GRIA2: variants seen among roughly 807,000 people sequenced by gnomAD.
GRIA2 encodes the protein glutamate ionotropic receptor AMPA type subunit 2.
A neutral mutation model predicts 97.3 loss-of-function variants in GRIA2; 14 were observed. That is an observed-to-expected ratio of 0.14 (90% CI 0.10 to 0.23). The LOEUF (loss-of-function observed/expected upper bound fraction) is 0.23, where lower values mean the gene tolerates loss of function less well. Among genes scored for constraint, GRIA2 ranks in the 10% least tolerant of loss-of-function variants. The probability of loss-of-function intolerance (pLI) is 1.00; values close to 1 mark genes in which losing one functional copy is unlikely to be tolerated. For missense variants in GRIA2, 558 were observed against 1,069.8 expected (o/e 0.52, Z 6.67); for synonymous variants, 412 against 387.8 (o/e 1.06, Z -0.73).
chr4:157,231,044 T>C (rs2126692747), intron 2 of GRIA2, among the ~76,000 whole-genome samples: 1 of 151,916 alleles, frequency 6.6e-6, no homozygotes, highest in African/African-American at 2.4e-5. Flanking sequence ...TTTATTTTTA[T>C]TTTTCATTTT....
In GRIA2 at chr4:157,268,095, A is replaced by G. The variant is rs143105616; in HGVS notation, c.230-35457A>G. ...TAAATTTATGAAATATTAACTAAAG[A>G]GGTGGGGCATAGAAAAATACAAACA... is the stretch of plus-strand genomic sequence containing the variant. On this transcript the variant is annotated intron_variant, in intron 2 of 15. Coordinates refer to ENST00000264426, the MANE Select transcript of GRIA2 (RefSeq NM_001083619.3). Among the ~76,000 whole-genome samples the G allele has an allele frequency of 3.0e-3, 456 of 152,212 alleles. 2 individuals carry two copies. Among genetic ancestry groups the G allele is most frequent in the Non-Finnish European group, 5.6e-3 (383 of 67,988 alleles).
intron 2 of GRIA2, among the ~76,000 whole-genome samples, chr4:157,286,868 T>C (rs1431083996): frequency 6.6e-6 from 1 of 151,696 alleles, no homozygotes; most frequent in Non-Finnish European, 1.5e-5. Flanking sequence ...AGCTGTTCTT[T>C]CTTTTCTATT....
chr4:157,295,259 T>G (rs2126845786), intron 2 of GRIA2, among the ~76,000 whole-genome samples: 1 of 152,252 alleles, frequency 6.6e-6, no homozygotes, highest in African/African-American at 2.4e-5. Context: ...AATGTATTAT[T>G]ACAGCCTCAT....
In GRIA2 at chr4:157,318,607, T is replaced by C. The variant is rs113078125; in HGVS notation, c.720+896T>C. Among the ~76,000 whole-genome samples the C allele has an allele frequency of 2.0e-3, 303 of 152,330 alleles. 2 individuals are homozygous for C. The highest frequency in any genetic ancestry group is 7.0e-3 in the African/African-American group (289 of 41,574). On this transcript the variant is annotated intron_variant, in intron 5 of 15. Transcript: ENST00000264426. ...CAGAGTAGTTAATTCTATTTCCCTCTTTTAAGCATCATCAGAGTCAATTTA... is the reference window on the plus strand; with the variant it reads ...CAGAGTAGTTAATTCTATTTCCCTCCTTTAAGCATCATCAGAGTCAATTTA...
intron 11 of GRIA2, among the ~76,000 whole-genome samples, chr4:157,339,859 A>C (rs1447772965): frequency 6.6e-6 from 1 of 151,902 alleles, no homozygotes; most frequent in South Asian, 2.1e-4. Context: ...GCATTTTTCA[A>C]ATGTAAAATA....
chr4:157,336,523 T>C lies in GRIA2; in HGVS notation c.1620T>C (p.Asp540=). 3 of 1,613,504 alleles carry C rather than the reference T, an allele frequency of 1.9e-6. No homozygotes were observed. The highest frequency in any genetic ancestry group is 2.5e-6 in the Non-Finnish European group (3 of 1,179,574). ...KSKPGVFSFL[D]PLAYEIWMCI... is the part of the protein sequence containing the mutation. ...AACCAGGAGTGTTTTCCTTTCTTGA[T>C]CCTTTAGCCTATGAGATCTGGATGT... is the stretch of plus-strand genomic sequence containing the variant. Residue 540 remains aspartate, a synonymous_variant, in exon 11 of 16, where the codon GAT becomes GAC. Transcript: ENST00000264426.
At chr4:157,340,920 T>G (rs954699992) in intron 11 of GRIA2, among the ~76,000 whole-genome samples, 17 of 152,152 alleles carry the variant, frequency 1.1e-4, no homozygotes, top group African/African-American at 4.1e-4. Context: ...ATTCTCTTGT[T>G]TATGTTTACT....
intron 6 of GRIA2, among the ~76,000 whole-genome samples, chr4:157,324,537 G>T (rs1182250841): frequency 6.6e-6 from 1 of 152,174 alleles, no homozygotes; most frequent in Non-Finnish European, 1.5e-5. Flanking sequence ...GCAAGGCTTT[G>T]CACATGGTTG....
intron 14 of GRIA2, chr4:157,362,542 G>A (rs1160452506): frequency 8.6e-6 from 5 of 579,592 alleles, no homozygotes; most frequent in South Asian, 6.3e-5. Flanking sequence ...CCAGGGAAAT[G>A]TTTAAGAAAT....
intron 2 of GRIA2, among the ~76,000 whole-genome samples, chr4:157,277,287 G>T (rs549697710): frequency 1.3e-5 from 2 of 151,704 alleles, no homozygotes; most frequent in Non-Finnish European, 3.0e-5. Flanking sequence ...AAGAAAGATC[G>T]CATAATCATA....
In GRIA2 at chr4:157,365,766, A is replaced by G. The variant is rs1285325831; in HGVS notation, c.*2335A>G. 6.6e-6 allele frequency: 1 copy of G among 151,908 alleles called. No individual in the cohort carries two copies. Among genetic ancestry groups the G allele is most frequent in the Non-Finnish European group, 1.5e-5 (1 of 67,558 alleles). The allele number at this position is 151,908 out of a possible 1,614,324, so 9.4% of individuals were successfully genotyped here. A position where few individuals can be genotyped will look rare whatever the true frequency, so the allele number is the denominator to read the frequency against. On this transcript the variant is annotated 3_prime_UTR_variant, in exon 16 of 16. Coordinates refer to ENST00000264426, the MANE Select transcript of GRIA2 (RefSeq NM_001083619.3). Reference sequence around the variant, plus strand: ...GTCTAAAGGTTTTTTTATTCATTTTATATAAAAACTGTTATGGAAAGACCA... The same window carrying G: ...GTCTAAAGGTTTTTTTATTCATTTTGTATAAAAACTGTTATGGAAAGACCA...
chr4:157,360,877 T>A, intron 13 of GRIA2, 133 bp from the exon 14 acceptor site: 2 of 696,986 alleles, frequency 2.9e-6, no homozygotes, highest in East Asian at 5.5e-5. Context: ...CATATTATTG[T>A]GGCCTTTTTC....
chr4:157,256,238 AT>A (rs1731258483), intron 2 of GRIA2, among the ~76,000 whole-genome samples: 1 of 82,836 alleles, frequency 1.2e-5, no homozygotes, highest in South Asian at 3.2e-4. Flanking sequence ...TATATAATAT[AT>A]ATATATAATA....
At chr4:157,346,762 C>G (rs1735782913) in intron 12 of GRIA2, among the ~76,000 whole-genome samples, 1 of 152,160 alleles carries the variant, frequency 6.6e-6, no homozygotes, top group Non-Finnish European at 1.5e-5. Flanking sequence ...TTTCCTTCCT[C>G]AGTTTTTTGG....
intron 2 of GRIA2, among the ~76,000 whole-genome samples, chr4:157,255,843 A>G (rs1489883509): frequency 3.9e-5 from 6 of 151,928 alleles, no homozygotes; most frequent in Non-Finnish European, 8.8e-5. Flanking sequence ...AAAGTGGACA[A>G]AGGATATGAA....
chr4:157,322,131 G>C (rs776062526), intron 6 of GRIA2, among the ~76,000 whole-genome samples: 6 of 151,902 alleles, frequency 3.9e-5, no homozygotes, highest in Non-Finnish European at 8.8e-5. Context: ...GTGTCAGTTT[G>C]TTCCTAATCT....
At chr4:157,313,060 G>A (rs1350406474) in intron 4 of GRIA2, among the ~76,000 whole-genome samples, 185 bp downstream of exon 4, 1 of 152,156 alleles carries the variant, frequency 6.6e-6, no homozygotes, top group African/African-American at 2.4e-5. Flanking sequence ...ATGGTCATCA[G>A]TAATGCTGGC....
chr4:157,221,427 T>G, intron 1 of GRIA2: 1 of 579,824 alleles, frequency 1.7e-6, no homozygotes, highest in Non-Finnish European at 3.0e-6. Context: ...GCAAAGCTTG[T>G]GATTACATGG....
At chr4:157,311,523 T>C (rs1734079288) in intron 3 of GRIA2, among the ~76,000 whole-genome samples, 1 of 152,012 alleles carries the variant, frequency 6.6e-6, no homozygotes, top group Non-Finnish European at 1.5e-5. Context: ...TTTTTTGAAA[T>C]AGTTTTCAAC....
Sources: gnomAD v4.1 joint callset for allele counts (sites outside exome capture counted in the v4.1 genomes callset) on GRCh38, gnomAD v4.1.1 for gene constraint, MANE v1.5 for transcripts, NCBI Gene and HGNC (gene_info 2026-07-23, HGNC 2026-07-21) for gene names.